COL21A1: variants seen among roughly 807,000 people sequenced by gnomAD.
COL21A1 encodes the protein collagen type XXI alpha 1 chain.
In COL21A1, 149 loss-of-function variants were observed where a neutral mutation model predicts 137.9. The observed-to-expected ratio is 1.08, with a 90% CI of 0.95 to 1.24. COL21A1 has a LOEUF of 1.24. Among genes scored for constraint, COL21A1 ranks in the 50% most tolerant of loss-of-function variants. COL21A1 has a pLI of 0.00. For missense variants in COL21A1, 1,167 were observed against 1,158.4 expected, an observed-to-expected ratio of 1.01 and a Z score of -0.11; for synonymous variants, 456 against 391.5, an observed-to-expected ratio of 1.16 and a Z score of -1.95.
intron 29 of COL21A1, among the ~76,000 whole-genome samples, chr6:56,058,611 A>G (rs1185586893): frequency 6.6e-6 from 1 of 152,214 alleles, no homozygotes; most frequent in African/African-American, 2.4e-5. Flanking sequence ...GTATTAAGTC[A>G]TTTGATCAAC....
chr6:56,233,877 T>A (rs1228041049), intron 1 of COL21A1, among the ~76,000 whole-genome samples: 1 of 151,726 alleles, frequency 6.6e-6, no homozygotes, highest in Non-Finnish European at 1.5e-5. Flanking sequence ...AGACTTCTCA[T>A]CACAAAAGTG....
intron 16 of COL21A1, among the ~76,000 whole-genome samples, chr6:56,119,460 T>A (rs1582405992): frequency 6.6e-6 from 1 of 152,138 alleles, no homozygotes; most frequent in Non-Finnish European, 1.5e-5. Context: ...GAAGAATCAA[T>A]ATTGTTTAAA....
At chr6:56,102,700 A>C (rs1002772443) in intron 16 of COL21A1, among the ~76,000 whole-genome samples, 50 of 152,214 alleles carry the variant, frequency 3.3e-4, no homozygotes, top group African/African-American at 1.2e-3. Flanking sequence ...ATCAGTACTT[A>C]GAAAAAAATT....
intron 1 of COL21A1, among the ~76,000 whole-genome samples, chr6:56,292,690 A>G (rs929141873): frequency 1.3e-5 from 2 of 152,178 alleles, no homozygotes; most frequent in Admixed American, 1.3e-4. Context: ...TGACCTTCTT[A>G]GGGGCATCAG....
At chr6:56,091,922 T>C (rs1768856535) in intron 17 of COL21A1, among the ~76,000 whole-genome samples, 1 of 152,200 alleles carries the variant, frequency 6.6e-6, no homozygotes, top group Non-Finnish European at 1.5e-5. Flanking sequence ...CATGTTGCTC[T>C]GTCCTCACCA....
At chr6:56,119,503 A>G (rs761911807) in intron 16 of COL21A1, among the ~76,000 whole-genome samples, 33 of 152,212 alleles carry the variant, frequency 2.2e-4, no homozygotes, top group Admixed American at 5.2e-4. Context: ...TACAGATTCA[A>G]TGAACTTCCT....
chr6:56,335,105 C>T (rs918016843), intron 1 of COL21A1, among the ~76,000 whole-genome samples: 1 of 152,012 alleles, frequency 6.6e-6, no homozygotes, highest in African/African-American at 2.4e-5. Flanking sequence ...ACTAACTGGG[C>T]TAACGATAGA....
chr6:56,248,413 T>A (rs1782757705), upstream of COL21A1, among the ~76,000 whole-genome samples: 1 of 152,232 alleles, frequency 6.6e-6, no homozygotes, highest in Non-Finnish European at 1.5e-5. Flanking sequence ...TTTGAGACAC[T>A]TTGAGAGTGA....
At chr6:56,212,567 A>G (rs1175771301) in intron 1 of COL21A1, among the ~76,000 whole-genome samples, 1 of 152,032 alleles carries the variant, frequency 6.6e-6, no homozygotes, top group African/African-American at 2.4e-5. Flanking sequence ...TTCAAGGAAA[A>G]CAACTAATCA....
intron 3 of COL21A1, among the ~76,000 whole-genome samples, chr6:56,177,196 G>A (rs557817346): frequency 2.0e-5 from 3 of 152,204 alleles, no homozygotes; most frequent in East Asian, 3.9e-4. Context: ...TCAGAGAAAG[G>A]AGAGTATTAG....
intron 20 of COL21A1, 113 bp from the exon 21 acceptor site, chr6:56,070,911 C>T (rs142852876): frequency 2.7e-5 from 23 of 850,418 alleles, no homozygotes; most frequent in East Asian, 1.5e-4. Context: ...TTTAACTTTC[C>T]GATTGTTTGA....
At chr6:56,323,199 G>T (rs1014814861) in intron 1 of COL21A1, among the ~76,000 whole-genome samples, 2 of 152,074 alleles carry the variant, frequency 1.3e-5, no homozygotes, top group Admixed American at 1.3e-4. Flanking sequence ...AAATTCTCAA[G>T]TATTTTTAAA....
intron 1 of COL21A1, among the ~76,000 whole-genome samples, chr6:56,206,688 A>AT (rs1779797538): frequency 4.4e-5 from 1 of 22,670 alleles, no homozygotes; most frequent in Non-Finnish European, 9.3e-5. Flanking sequence ...CAAAATAAAT[A>AT]AATAAATAAA....
At chr6:56,160,714 G>A (rs1776133917) in intron 9 of COL21A1, among the ~76,000 whole-genome samples, 3 of 152,134 alleles carry the variant, frequency 2.0e-5, no homozygotes, top group Non-Finnish European at 2.9e-5. Flanking sequence ...GTTGTTGACA[G>A]GAGTGGAAAT....
intron 12 of COL21A1, among the ~76,000 whole-genome samples, chr6:56,134,199 C>T (rs561139653): frequency 6.6e-6 from 1 of 152,220 alleles, no homozygotes; most frequent in Admixed American, 6.5e-5. Flanking sequence ...GCAGAGCTGC[C>T]CAAGACCATG....
Position 56,376,620 on chromosome 6 carries a change from A to G in COL21A1, c.-39+17351T>C, listed in dbSNP as rs531521517. Among the ~76,000 whole-genome samples, 4 of 150,370 alleles carry G rather than the reference A, an allele frequency of 2.7e-5. No homozygotes were observed. The East Asian group carries it at 7.7e-4, about 29-fold the overall frequency. On this transcript the variant is annotated intron_variant, in intron 1 of 28. Transcript: ENST00000370819. ...AAGGGGGAAAAGTAAGGCTAAGTAG[A>G]TATCTAGACAAATCTTTTAGAGATA...
intron 1 of COL21A1, among the ~76,000 whole-genome samples, chr6:56,202,351 C>CT (rs1156978126): frequency 6.6e-6 from 1 of 152,064 alleles, no homozygotes; most frequent in Non-Finnish European, 1.5e-5. Context: ...ATTTTTGAAG[C>CT]TAAAAACCCA....
At chr6:56,287,845 G>A (rs567650366) in intron 1 of COL21A1, among the ~76,000 whole-genome samples, 8 of 152,118 alleles carry the variant, frequency 5.3e-5, no homozygotes, top group Middle Eastern at 3.4e-3. Context: ...GAGAGCAGAG[G>A]AGGTCAGAGT....
chr6:56,320,311 A>G (rs1582778046), intron 1 of COL21A1, among the ~76,000 whole-genome samples: 1 of 152,056 alleles, frequency 6.6e-6, no homozygotes, highest in Non-Finnish European at 1.5e-5. Context: ...CCATATAGCC[A>G]TCAGCTCTCT....
Sources: gnomAD v4.1 joint callset for allele counts (sites outside exome capture counted in the v4.1 genomes callset) on GRCh38, gnomAD v4.1.1 for gene constraint, MANE v1.5 for transcripts, NCBI Gene and HGNC (gene_info 2026-07-23, HGNC 2026-07-21) for gene names.